The following NEK8 variants were observed in gnomAD, a reference collection of about 807,000 sequenced individuals.
The protein encoded by NEK8 is NIMA related kinase 8.
In NEK8, 51 loss-of-function variants were observed where a neutral mutation model predicts 77.2. That is an observed-to-expected ratio of 0.66 (90% confidence interval 0.53 to 0.83). The LOEUF is 0.83. Among genes scored for constraint, NEK8 ranks in the 40% least tolerant of loss-of-function variants. The pLI, the probability that NEK8 is intolerant of heterozygous loss-of-function variation, is 0.00. For synonymous variants in NEK8, 365 were observed against 363.2 expected (o/e 1.00, Z -0.06); for missense variants, 787 against 909.2 (o/e 0.87, Z 1.73).
At chr17:28,739,229 C>A in intron 10 of NEK8, 28 bp downstream of exon 10, 1 of 1,464,952 alleles carries the variant, frequency 6.8e-7, no homozygotes, top group Non-Finnish European at 9.6e-7. Flanking sequence ...GGCCCCATCT[C>A]ACAGCATCCT....
At chr17:28,736,491 A>G (rs1465580370) in intron 4 of NEK8, among the ~76,000 whole-genome samples, 2 of 152,308 alleles carry the variant, frequency 1.3e-5, no homozygotes, top group Non-Finnish European at 2.9e-5. Flanking sequence ...ATGGTATCTC[A>G]TTGTGGTTTT....
intron 1 of NEK8, among the ~76,000 whole-genome samples, chr17:28,730,571 G>A (rs1049446908): frequency 1.3e-5 from 2 of 152,202 alleles, no homozygotes; most frequent in African/African-American, 2.4e-5. Context: ...ACCACTCCCA[G>A]CCACCAGGAA....
In NEK8 at chr17:28,735,383, C is replaced by T. The variant is rs11649957; in HGVS notation, c.618+12C>T. The T allele has an allele frequency of 2.4e-3, 3,870 of 1,611,850 alleles. 7 individuals carry two copies. The highest frequency in any genetic ancestry group is 3.2e-3 in the Non-Finnish European group (3,716 of 1,179,294). On this transcript the variant is annotated intron_variant, in intron 4 of 14. Transcript: ENST00000268766. Reference sequence around the variant, plus strand: ...CTTTCGAGGCTGCGGTGAGTGTATGCACCCTCCAGGGGACAACTGAGAAAT... The same window carrying T: ...CTTTCGAGGCTGCGGTGAGTGTATGTACCCTCCAGGGGACAACTGAGAAAT...
At chr17:28,735,771 T>C (rs1040868775) in intron 4 of NEK8, among the ~76,000 whole-genome samples, 1 of 149,622 alleles carries the variant, frequency 6.7e-6, no homozygotes, top group Non-Finnish European at 1.5e-5. Context: ...TGTTATTGTT[T>C]ATTTATTTAT....
intron 8 of NEK8, 150 bp from the exon 9 acceptor site, chr17:28,738,521 G>C: frequency 1.3e-6 from 1 of 765,298 alleles, no homozygotes; most frequent in Non-Finnish European, 2.3e-6. Flanking sequence ...ATGTTTGAAG[G>C]GACTCATATC....
chr17:28,740,687 A>G lies in NEK8; in HGVS notation c.1568+74A>G, dbSNP rs2034411803. The G allele has an allele frequency of 3.1e-6, 5 of 1,592,948 alleles. No homozygotes were observed. Among genetic ancestry groups the G allele is most frequent in the Non-Finnish European group, 4.3e-6 (5 of 1,161,450 alleles). On this transcript the variant is annotated intron_variant, in intron 11 of 14. Coordinates refer to ENST00000268766, the MANE Select transcript of NEK8 (RefSeq NM_178170.3). This position sits in a 1 kb window ranked among gnomAD's most constrained non-coding sequence, Gnocchi z 4.7. ...GCAAGTGCTCCGTCCATCATTGCCT[A>G]CCTTTCACCAAAGACCAGAATTGAG... is the stretch of plus-strand genomic sequence containing the variant.
intron 10 of NEK8, among the ~76,000 whole-genome samples, chr17:28,739,989 AAGG>A (rs1267296779): frequency 1.3e-5 from 2 of 151,936 alleles, no homozygotes; most frequent in African/African-American, 4.8e-5. Flanking sequence ...CAGGGCTTTA[AAGG>A]AGGAGGATTT....
Position 28,738,096 on chromosome 17 carries a change from C to T in NEK8, c.1073C>T (p.Ala358Val). The T allele has an allele frequency of 6.2e-7, 1 of 1,613,354 alleles. No homozygotes were observed. The highest frequency in any genetic ancestry group is 8.5e-7 in the Non-Finnish European group (1 of 1,179,706). ...TRSGRLILWE[A>V]PPLGAGGGSL... ...CTGCCCATCCCCCTGCCCCTGCAGG[C>T]CCCACCCCTAGGTGCAGGCGGAGGC... is the stretch of plus-strand genomic sequence containing the variant. Residue 358 changes from alanine (A) to valine (V), a missense_variant and splice_region_variant, in exon 8 of 15, where the codon GCC (alanine) becomes GTC (valine). Ala to Val is a moderately conservative substitution (Grantham distance 64). Transcript: ENST00000268766.
Position 28,737,382 on chromosome 17 carries a change from G to C in NEK8, c.695G>C (p.Arg232Pro). 6.2e-7 allele frequency: 1 copy of C among 1,613,632 alleles called. No homozygotes were observed. Among genetic ancestry groups the C allele is most frequent in the Non-Finnish European group, 8.5e-7 (1 of 1,180,024 alleles). The change falls in exon 5 of 15, where the codon CGC becomes CCC. Residue 232 changes from arginine to proline, a missense_variant. Around this residue, in one of 2 missense-constraint regions of NEK8, gnomAD observed 271 missense variants for 365.1 expected, o/e 0.74. Transcript: ENST00000268766. This position sits in a 1 kb window ranked among gnomAD's most constrained non-coding sequence, Gnocchi z 4.8. ...TCTGACCGGTACAGCCCTGAGCTTC[G>C]CCAGCTGGTCCTGAGTCTACTCAGC... Reference protein sequence around the residue: ...PISDRYSPELRQLVLSLLSLE... With the variant: ...PISDRYSPELPQLVLSLLSLE...
At chr17:28,734,243 G>A in intron 2 of NEK8, 55 bp downstream of exon 2, 1 of 1,479,792 alleles carries the variant, frequency 6.8e-7, no homozygotes, top group Non-Finnish European at 9.5e-7. Flanking sequence ...CTCTGGGACA[G>A]GCAGACACAG....
rs903553470 is a variant in NEK8 at position 28,737,704 on chromosome 17, C to G, written c.857C>G (p.Thr286Arg). The G allele has an allele frequency of 8.7e-6, 14 of 1,614,038 alleles. No individual in the cohort carries two copies. The Admixed American group carries it at 1.8e-4, about 21-fold the overall frequency. ...RAEKSVAPSN[T>R]GSRTTSVRCR... ...GAGAAGTCCGTGGCCCCCAGCAACA[C>G]AGGGAGCAGGACCACCAGTGTCCGC... Residue 286 changes from threonine to arginine, a missense_variant, in exon 6 of 15, where the codon ACA becomes AGA. This residue lies in a region of NEK8 where 516 missense variants were observed against 544.0 expected (regional missense o/e 0.95). Coordinates refer to ENST00000268766, the MANE Select transcript of NEK8 (RefSeq NM_178170.3). The surrounding 1 kb of genome is among the most constrained non-coding windows in gnomAD (Gnocchi z 4.8).
At position 28,740,415 on chromosome 17, in the gene NEK8, C is replaced by T. The variant is rs761901726; in HGVS notation, c.1418-48C>T. The stretch of plus-strand genomic sequence containing the variant: ...CAGTGGGCCCTCCTCATTCGGGCAT[C>T]ACCCCCACTAAAGCTCAAATTAACT... On this transcript the variant is annotated intron_variant, in intron 10 of 14. Transcript: ENST00000268766. This position sits in a 1 kb window ranked among gnomAD's most constrained non-coding sequence, Gnocchi z 4.7. The T allele has an allele frequency of 1.9e-6, 3 of 1,585,046 alleles. No individual in the cohort carries two copies. Among genetic ancestry groups the T allele is most frequent in the Non-Finnish European group, 2.6e-6 (3 of 1,153,632 alleles).
At position 28,741,468 on chromosome 17, in the gene NEK8, T is replaced by G; in HGVS notation, c.1947T>G (p.Asp649Glu). 6.2e-7 allele frequency: 1 copy of G among 1,614,076 alleles called. No homozygotes were observed. The highest frequency in any genetic ancestry group is 8.5e-7 in the Non-Finnish European group (1 of 1,180,000). ...CGCGAGGTCGATTGGGAAGGAGGGA[T>G]GAGGATGCCGGACTCCCTCGGCCAG... is the stretch of plus-strand genomic sequence containing the variant. The part of the protein sequence containing the change: ...KGARGRLGRR[D>E]EDAGLPRPVQ... Residue 649 changes from aspartate to glutamate, a missense_variant, in exon 14 of 15, where the codon GAT becomes GAG. By Grantham distance (45) the Asp-to-Glu change is conservative (BLOSUM62 2). Transcript: ENST00000268766. This position sits in a 1 kb window ranked among gnomAD's most constrained non-coding sequence, Gnocchi z 4.5.
chr17:28,728,943 T>TAATCCCGCCC, intron 1 of NEK8, 83 bp downstream of exon 1: 2 of 1,275,562 alleles, frequency 1.6e-6, no homozygotes, highest in South Asian at 1.3e-5. Flanking sequence ...GCCGCCCGCC[T>TAATCCCGCCC]AATCCCGCCC....
rs771928671 is a variant in NEK8 at position 28,737,929 on chromosome 17, G to A, written c.1000G>A (p.Val334Met). 19 of 1,613,358 alleles carry A rather than the reference G, an allele frequency of 1.2e-5. No homozygotes were observed. Among genetic ancestry groups the A allele is most frequent in the Non-Finnish European group, 1.6e-5 (19 of 1,179,584 alleles). The change falls in exon 7 of 15, where the codon GTG becomes ATG. Residue 334 changes from valine (V) to methionine (M), a missense_variant. Val to Met is a conservative substitution (Grantham distance 21). This residue lies in a region of NEK8 where 516 missense variants were observed against 544.0 expected (regional missense o/e 0.95). Transcript: ENST00000268766. The surrounding 1 kb of genome is among the most constrained non-coding windows in gnomAD (Gnocchi z 4.8). ...GCGGCTGCCAATGCTCAACACAGAGGTGGTCCAGGTGGCAGCTGGGCGCAC... is the reference window on the plus strand; with the variant it reads ...GCGGCTGCCAATGCTCAACACAGAGATGGTCCAGGTGGCAGCTGGGCGCAC... ...PLRLPMLNTE[V>M]VQVAAGRTQK...
intron 1 of NEK8, 47 bp downstream of exon 1, chr17:28,728,907 T>G (rs764782503): frequency 2.1e-5 from 31 of 1,495,078 alleles, no homozygotes; most frequent in East Asian, 4.9e-5. Flanking sequence ...ATAGGGAAAA[T>G]AAGCCCCAAT....
At position 28,740,433 on chromosome 17, in the gene NEK8, A is replaced by C; in HGVS notation, c.1418-30A>C. On this transcript the variant is annotated intron_variant, in intron 10 of 14. Transcript: ENST00000268766. The surrounding 1 kb of genome is among the most constrained non-coding windows in gnomAD (Gnocchi z 4.7). ...CGGGCATCACCCCCACTAAAGCTCAAATTAACTCCTTCTGGGTTTCTTCTT... is the reference window on the plus strand; with the variant it reads ...CGGGCATCACCCCCACTAAAGCTCACATTAACTCCTTCTGGGTTTCTTCTT... The C allele has an allele frequency of 6.2e-7, 1 of 1,613,298 alleles. No homozygotes were observed. Among genetic ancestry groups the C allele is most frequent in the African/African-American group, 1.3e-5 (1 of 74,990 alleles).
In NEK8 at chr17:28,734,783, G is replaced by A. The variant is rs1415076749; in HGVS notation, c.265G>A (p.Ala89Thr). Reference protein sequence around the residue: ...AMEYAPGGTLAEFIQKRCNSL... With the variant: ...AMEYAPGGTLTEFIQKRCNSL... Reference sequence around the variant, plus strand: ...CCCTTGGGCCACAGGCGGCACTCTGGCTGAGTTCATCCAAAAGCGCTGTAA... The same window carrying A: ...CCCTTGGGCCACAGGCGGCACTCTGACTGAGTTCATCCAAAAGCGCTGTAA... The change falls in exon 3 of 15, where the codon GCT becomes ACT. Residue 89 changes from alanine (A) to threonine (T), a missense_variant. By Grantham distance (58) the Ala-to-Thr change is moderately conservative. Coordinates refer to ENST00000268766, the MANE Select transcript of NEK8 (RefSeq NM_178170.3). 1.2e-6 allele frequency: 2 copies of A among 1,613,406 alleles called. No homozygotes were observed. Among genetic ancestry groups the A allele is most frequent in the Non-Finnish European group, 8.5e-7 (1 of 1,179,796 alleles).
At position 28,741,586 on chromosome 17, in the gene NEK8, T is replaced by C. The variant is rs772144907; in HGVS notation, c.2050+15T>C. Reference sequence around the variant, plus strand: ...GGCTGTTCGATGTGAGTTGTAACTTTTCCCACTTCACCACACAGCCCAGCT... The same window carrying C: ...GGCTGTTCGATGTGAGTTGTAACTTCTCCCACTTCACCACACAGCCCAGCT... On this transcript the variant is annotated intron_variant, in intron 14 of 14. Transcript: ENST00000268766. The surrounding 1 kb of genome is among the most constrained non-coding windows in gnomAD (Gnocchi z 4.5). 2 of 1,613,912 alleles carry C rather than the reference T, an allele frequency of 1.2e-6. No individual in the cohort carries two copies. Among genetic ancestry groups the C allele is most frequent in the Non-Finnish European group, 1.7e-6 (2 of 1,179,964 alleles).
Sources: allele counts gnomAD v4.1 joint callset (sites outside exome capture counted in the v4.1 genomes callset), GRCh38; gene constraint gnomAD v4.1.1; regional missense constraint gnomAD v4.1.1; non-coding constraint Gnocchi (gnomAD v3.1); transcripts MANE v1.5; gene names NCBI Gene and HGNC (gene_info 2026-07-23, HGNC 2026-07-21).